Variants in MACROD2 observed in about 807,000 individuals in gnomAD.
MACROD2 encodes the protein mono-ADP ribosylhydrolase 2.
In MACROD2, 36 loss-of-function variants were observed where a neutral mutation model predicts 70.4. That is an observed-to-expected ratio of 0.51 (90% CI 0.39 to 0.68). The LOEUF (loss-of-function observed/expected upper bound fraction) is 0.68, where lower values mean the gene tolerates loss of function less well. MACROD2 is among the 30% of genes least tolerant of loss of function. The probability of loss-of-function intolerance (pLI) is 0.00; values close to 1 mark genes in which losing one functional copy is unlikely to be tolerated. For missense variants in MACROD2, 496 were observed against 538.4 expected (o/e 0.92, Z 0.78); for synonymous variants, 172 against 178.8 (o/e 0.96, Z 0.30).
At chr20:14,085,568 G>A (rs2054066471) in intron 2 of MACROD2, 53 bp from the exon 3 acceptor site, 9 of 1,061,024 alleles carry the variant, frequency 8.5e-6, no homozygotes, top group Middle Eastern at 3.3e-4. Flanking sequence ...AAATTATCTC[G>A]ATTAAGTTAA....
intron 8 of MACROD2, among the ~76,000 whole-genome samples, chr20:15,781,971 T>C (rs1399085283): frequency 6.6e-6 from 1 of 152,114 alleles, no homozygotes; most frequent in Non-Finnish European, 1.5e-5. Flanking sequence ...AAGAGATAGA[T>C]TACAGAGATG....
At chr20:15,103,581 C>G (rs1309962108) in intron 5 of MACROD2, among the ~76,000 whole-genome samples, 1 of 152,154 alleles carries the variant, frequency 6.6e-6, no homozygotes, top group African/African-American at 2.4e-5. Context: ...GTAAGTACCT[C>G]TATCTGCCTT....
At position 14,093,662 on chromosome 20, in the gene MACROD2, A is replaced by G. The variant is rs1050567021; in HGVS notation, c.271+7934A>G. On this transcript the variant is annotated intron_variant, in intron 3 of 17. Coordinates refer to ENST00000684519, the MANE Select transcript of MACROD2 (RefSeq NM_001351661.2). Reference sequence around the variant, plus strand: ...CTAAATAGAGGAGTAAGAAACACTCATTTGACAAAAAAAAAAAACCCCAAA... The same window carrying G: ...CTAAATAGAGGAGTAAGAAACACTCGTTTGACAAAAAAAAAAAACCCCAAA... Among the ~76,000 whole-genome samples the G allele has an allele frequency of 9.0e-4, 53 of 58,982 alleles. 1 individual carries two copies. The highest frequency in any genetic ancestry group is 2.7e-4 in the Non-Finnish European group (8 of 29,400). The allele number at this position is 58,982 out of a possible 152,430, so 38.7% of individuals were successfully genotyped here. A position where few individuals can be genotyped will look rare whatever the true frequency, so the allele number is the denominator to read the frequency against.
At chr20:15,021,262 C>G (rs1264217957) in intron 5 of MACROD2, among the ~76,000 whole-genome samples, 720 of 6,124 alleles carry the variant, frequency 0.12, 109 homozygotes, top group Non-Finnish European at 0.22. Flanking sequence ...ATACACACAC[C>G]TGTGTGTGTG....
intron 5 of MACROD2, among the ~76,000 whole-genome samples, chr20:14,982,605 A>G (rs1285899189): frequency 6.6e-6 from 1 of 152,214 alleles, no homozygotes. Context: ...AGCTTGGGCC[A>G]TGGCCTCAGA....
intron 8 of MACROD2, among the ~76,000 whole-genome samples, chr20:15,633,568 A>T (rs1169948999): frequency 6.7e-6 from 1 of 149,238 alleles, no homozygotes; most frequent in Admixed American, 6.7e-5. Context: ...GCATCCGTGA[A>T]TTTTTTTTTT....
chr20:15,038,563 G>C (rs1229910918), intron 5 of MACROD2, among the ~76,000 whole-genome samples: 3 of 152,188 alleles, frequency 2.0e-5, no homozygotes, highest in African/African-American at 7.2e-5. Flanking sequence ...GAGTGTGAAT[G>C]GCCAGAGGCC....
intron 3 of MACROD2, among the ~76,000 whole-genome samples, chr20:14,230,024 T>C (rs2081786461): frequency 6.6e-6 from 1 of 152,218 alleles, no homozygotes; most frequent in African/African-American, 2.4e-5. Context: ...TAAAAACATG[T>C]ACATACCTTA....
chr20:15,528,225 C>G (rs73614419), intron 8 of MACROD2, among the ~76,000 whole-genome samples: 18,318 of 152,122 alleles, frequency 0.12, 1,305 homozygotes, highest in East Asian at 0.28. Flanking sequence ...ACCTCCACCT[C>G]CCGGGCTCAA....
intron 10 of MACROD2, chr20:15,893,780 G>T (rs1054441341): frequency 2.2e-6 from 1 of 456,614 alleles, no homozygotes; most frequent in African/African-American, 2.0e-5. Flanking sequence ...AATGAAGAGT[G>T]TAATAATACT....
chr20:15,914,411 G>A (rs2065281942), intron 10 of MACROD2, among the ~76,000 whole-genome samples: 1 of 152,152 alleles, frequency 6.6e-6, no homozygotes, highest in Non-Finnish European at 1.5e-5. Flanking sequence ...TAAGGCAGTT[G>A]GGCCAGGTTT....
chr20:14,746,709 A>C (rs574038099), intron 5 of MACROD2, among the ~76,000 whole-genome samples: 5 of 152,318 alleles, frequency 3.3e-5, no homozygotes, highest in African/African-American at 1.2e-4. Context: ...AATACTTTTC[A>C]AACCATTAAC....
intron 17 of MACROD2, among the ~76,000 whole-genome samples, chr20:16,048,340 GC>G (rs2067412040): frequency 6.6e-6 from 1 of 151,914 alleles, no homozygotes; most frequent in Non-Finnish European, 1.5e-5. Context: ...ACAAATAAAA[GC>G]AGACCTAAAA....
At chr20:14,039,206 G>T (rs1043689103) in intron 2 of MACROD2, among the ~76,000 whole-genome samples, 1 of 152,062 alleles carries the variant, frequency 6.6e-6, no homozygotes, top group Admixed American at 6.6e-5. Flanking sequence ...AAGAAGCAAA[G>T]AATTTCACAT....
chr20:14,417,091 A>G (rs1004191694), intron 3 of MACROD2, among the ~76,000 whole-genome samples: 1 of 132,480 alleles, frequency 7.5e-6, no homozygotes, highest in Non-Finnish European at 1.7e-5. Context: ...CTATCTATCT[A>G]TCTATCTATC....
intron 8 of MACROD2, among the ~76,000 whole-genome samples, chr20:15,581,109 G>A (rs1446513426): frequency 2.0e-5 from 3 of 152,202 alleles, no homozygotes; most frequent in Non-Finnish European, 4.4e-5. Context: ...AATCCATCAT[G>A]TGCTTTGGGA....
At chr20:15,422,379 T>G (rs942193125) in intron 6 of MACROD2, among the ~76,000 whole-genome samples, 2 of 152,188 alleles carry the variant, frequency 1.3e-5, no homozygotes, top group African/African-American at 4.8e-5. Context: ...TATACCTGTC[T>G]TGTTTTAGCC....
chr20:15,354,904 A>G (rs1486375125), intron 6 of MACROD2, among the ~76,000 whole-genome samples: 1 of 152,226 alleles, frequency 6.6e-6, no homozygotes, highest in African/African-American at 2.4e-5. Flanking sequence ...ATGTACTAGT[A>G]CTAATTTATC....
chr20:14,192,610 T>G (rs1014070962), intron 3 of MACROD2, among the ~76,000 whole-genome samples: 5 of 152,256 alleles, frequency 3.3e-5, no homozygotes, highest in African/African-American at 7.2e-5. Context: ...TTCATGAAGA[T>G]GTGTAGCTGG....
Sources: allele counts gnomAD v4.1 joint callset (sites outside exome capture counted in the v4.1 genomes callset), GRCh38; gene constraint gnomAD v4.1.1; transcripts MANE v1.5; gene names NCBI Gene and HGNC (gene_info 2026-07-23, HGNC 2026-07-21).